The following CADPS2 variants were observed in gnomAD, a reference collection of about 807,000 sequenced individuals.
CADPS2 encodes the protein calcium dependent secretion activator 2.
A neutral mutation model predicts 172.5 loss-of-function variants in CADPS2; 93 were observed. The ratio of observed to expected loss-of-function variants is 0.54; its 90% CI spans 0.46 to 0.64. The LOEUF is 0.64. Among genes scored for constraint, CADPS2 ranks in the 30% least tolerant of loss-of-function variants. The pLI, the probability that CADPS2 is intolerant of heterozygous loss-of-function variation, is 0.00. For synonymous variants in CADPS2, 546 were observed against 555.2 expected (o/e 0.98, Z 0.23); for missense variants, 1,420 against 1,565.9 (o/e 0.91, Z 1.57).
chr7:122,430,390 C>A (rs912179084), intron 17 of CADPS2, among the ~76,000 whole-genome samples: 1 of 152,134 alleles, frequency 6.6e-6, no homozygotes, highest in Non-Finnish European at 1.5e-5. Flanking sequence ...TGTATGACTG[C>A]GCTCTTGTCT....
intron 2 of CADPS2, chr7:122,676,785 C>T (rs550409828): frequency 5.5e-5 from 51 of 925,778 alleles, no homozygotes; most frequent in Non-Finnish European, 7.8e-5. Flanking sequence ...TGAACCAAAC[C>T]ATCATTTCCA....
intron 1 of CADPS2, among the ~76,000 whole-genome samples, chr7:122,766,608 T>A (rs955786979): frequency 2.6e-5 from 4 of 152,140 alleles, no homozygotes; most frequent in African/African-American, 9.7e-5. Context: ...TGTCCTTTAA[T>A]AAATCAGGAT....
At chr7:122,858,888 A>T (rs1816111217) in intron 1 of CADPS2, among the ~76,000 whole-genome samples, 1 of 152,190 alleles carries the variant, frequency 6.6e-6, no homozygotes, top group Non-Finnish European at 1.5e-5. Flanking sequence ...GAGAAAAAAA[A>T]TAAGTTGCCA....
chr7:122,722,320 A>C (rs2090518954), intron 2 of CADPS2, among the ~76,000 whole-genome samples: 1 of 152,058 alleles, frequency 6.6e-6, no homozygotes, highest in South Asian at 2.1e-4. Context: ...AATCTCCTTA[A>C]GCTGATAAGC....
At chr7:122,334,577 A>G (rs777272928) in intron 28 of CADPS2, among the ~76,000 whole-genome samples, 2 of 152,234 alleles carry the variant, frequency 1.3e-5, no homozygotes, top group Non-Finnish European at 2.9e-5. Flanking sequence ...AAGAACAGAG[A>G]GCAAGAGTGT....
intron 7 of CADPS2, among the ~76,000 whole-genome samples, chr7:122,573,410 T>C (rs1195303046): frequency 3.9e-5 from 6 of 151,920 alleles, no homozygotes; most frequent in Non-Finnish European, 7.4e-5. Context: ...CATAGTGGCA[T>C]ACAACAGTAG....
At chr7:122,601,502 A>G (rs2072772717) in intron 6 of CADPS2, among the ~76,000 whole-genome samples, 1 of 152,002 alleles carries the variant, frequency 6.6e-6, no homozygotes. Flanking sequence ...TTTTAGCCAC[A>G]CTTCACCACC....
intron 1 of CADPS2, among the ~76,000 whole-genome samples, chr7:122,778,098 G>C (rs998538717): frequency 4.6e-5 from 7 of 152,126 alleles, no homozygotes; most frequent in African/African-American, 1.7e-4. Flanking sequence ...TTGTTGAATG[G>C]CTTTGACCAA....
At chr7:122,592,027 A>C (rs1465458548) in intron 6 of CADPS2, among the ~76,000 whole-genome samples, 1 of 152,190 alleles carries the variant, frequency 6.6e-6, no homozygotes, top group East Asian at 1.9e-4. Flanking sequence ...CAGCAAAAGA[A>C]ACTACCATCA....
intron 2 of CADPS2, chr7:122,701,940 C>A: frequency 6.2e-7 from 1 of 1,613,650 alleles, no homozygotes; most frequent in Non-Finnish European, 8.5e-7. Context: ...AAAATGCGTA[C>A]TACATCTTGG....
chr7:122,619,713 A>C (rs2075363004), intron 5 of CADPS2, among the ~76,000 whole-genome samples: 1 of 152,188 alleles, frequency 6.6e-6, no homozygotes, highest in Non-Finnish European at 1.5e-5. Context: ...TAAAGCCTTA[A>C]AAAACAGAAA....
At chr7:122,851,526 T>C (rs1452083899) in intron 1 of CADPS2, among the ~76,000 whole-genome samples, 1 of 152,182 alleles carries the variant, frequency 6.6e-6, no homozygotes, top group East Asian at 1.9e-4. Flanking sequence ...TAAGACTTAA[T>C]GAACCTGTAT....
chr7:122,462,614 G>C (rs2054594679), intron 14 of CADPS2, among the ~76,000 whole-genome samples: 1 of 152,116 alleles, frequency 6.6e-6, no homozygotes, highest in Non-Finnish European at 1.5e-5. Flanking sequence ...TCAAAATCTA[G>C]TTTGCTATTT....
chr7:122,763,740 C>T (rs946896829), intron 1 of CADPS2, among the ~76,000 whole-genome samples: 1 of 152,056 alleles, frequency 6.6e-6, no homozygotes, highest in African/African-American at 2.4e-5. Flanking sequence ...GGGTTCTATT[C>T]ATGACAAAAC....
intron 2 of CADPS2, among the ~76,000 whole-genome samples, chr7:122,667,696 T>A (rs1197918924): frequency 6.6e-6 from 1 of 151,888 alleles, no homozygotes; most frequent in Non-Finnish European, 1.5e-5. Context: ...TTAACTCTGC[T>A]GGGGGGCCAG....
chr7:122,484,666 CTTT>C (rs34182273), intron 11 of CADPS2, among the ~76,000 whole-genome samples: 2 of 145,930 alleles, frequency 1.4e-5, no homozygotes, highest in African/African-American at 5.0e-5. Flanking sequence ...TTAAGAATTT[CTTT>C]TTTTTTTTTT....
chr7:122,381,377 A>G (rs1250265264), intron 24 of CADPS2, among the ~76,000 whole-genome samples: 1 of 152,170 alleles, frequency 6.6e-6, no homozygotes, highest in Admixed American at 6.5e-5. Context: ...TTACATGGAA[A>G]GTGCTCCAAA....
chr7:122,436,387 CAT>C (rs1428188270), intron 17 of CADPS2: 1 of 1,275,766 alleles, frequency 7.8e-7, no homozygotes, highest in Admixed American at 2.4e-5. Flanking sequence ...GGGCCTAAAA[CAT>C]AAGAAAAGAG....
At chr7:122,722,928 T>G (rs527490438) in intron 2 of CADPS2, among the ~76,000 whole-genome samples, 181 of 151,730 alleles carry the variant, frequency 1.2e-3, no homozygotes, top group African/African-American at 3.6e-3. Context: ...AAGCAATGGG[T>G]AAACGATTCC....
Sources: gnomAD v4.1 joint callset for allele counts (sites outside exome capture counted in the v4.1 genomes callset) on GRCh38, gnomAD v4.1.1 for gene constraint, MANE v1.5 for transcripts, NCBI Gene and HGNC (gene_info 2026-07-23, HGNC 2026-07-21) for gene names.